Variants in FNDC3B observed in about 807,000 individuals in gnomAD.
FNDC3B encodes the protein fibronectin type III domain containing 3B, also known as fibronectin type III domain-containing protein 3B.
Under a neutral mutation model 151.5 loss-of-function variants are expected in FNDC3B, and 12 were observed. The observed-to-expected ratio is 0.08, with a 90% CI of 0.05 to 0.13. The LOEUF (loss-of-function observed/expected upper bound fraction) is 0.13. FNDC3B is among the 10% of genes least tolerant of loss of function. The pLI is 1.00. For synonymous variants in FNDC3B, 528 were observed against 549.0 expected (o/e 0.96, Z 0.54); for missense variants, 1,214 against 1,505.3 (o/e 0.81, Z 3.20).
At position 172,307,480 on chromosome 3, in the gene FNDC3B, T is replaced by G. The variant is rs1457179727; in HGVS notation, c.1179T>G (p.Ser393Arg). The G allele has an allele frequency of 6.2e-7, 1 of 1,613,998 alleles. No individual in the cohort carries two copies. Among genetic ancestry groups the G allele is most frequent in the East Asian group, 2.2e-5 (1 of 44,870 alleles). ...CTAAGCTGGCACATAGGAGCAAAAG[T>G]TCACTAACCCTGCAGTGGAAGGTGG... Reference protein sequence around the residue: ...FPPKLAHRSKSSLTLQWKAPI... With the variant: ...FPPKLAHRSKRSLTLQWKAPI... Residue 393 changes from serine (S) to arginine (R), a missense_variant, in exon 10 of 26, where the codon AGT (serine) becomes AGG (arginine). Ser to Arg is a moderately radical substitution (Grantham distance 110). Transcript: ENST00000415807.
intron 2 of FNDC3B, among the ~76,000 whole-genome samples, chr3:172,130,301 T>C (rs1721006755): frequency 6.6e-6 from 1 of 152,222 alleles, no homozygotes; most frequent in Admixed American, 6.5e-5. Context: ...TAATGACTTC[T>C]GCTCTACTGA....
chr3:172,381,089 A>G lies in FNDC3B; in HGVS notation c.3299A>G (p.Lys1100Arg). The change falls in exon 25 of 26, where the codon AAA (lysine) becomes AGA (arginine). Residue 1100 changes from lysine to arginine, a missense_variant. Physicochemically the swap from Lys to Arg is conservative, Grantham distance 26 (BLOSUM62 2). Transcript: ENST00000415807. Reference sequence around the variant, plus strand: ...TTGGTTGGAAGAGAATCTGAGTACAAACAGGTAAGAACCAGTGTGCATGGC... The same window carrying G: ...TTGGTTGGAAGAGAATCTGAGTACAGACAGGTAAGAACCAGTGTGCATGGC... ...QVLVGRESEY[K>R]QVYKGEEATF... is the part of the protein sequence containing the mutation. The G allele has an allele frequency of 6.2e-7, 1 of 1,613,308 alleles. No individual in the cohort carries two copies. The highest frequency in any genetic ancestry group is 8.5e-7 in the Non-Finnish European group (1 of 1,179,422).
chr3:172,256,584 G>A (rs905717527), intron 6 of FNDC3B, among the ~76,000 whole-genome samples: 4 of 152,150 alleles, frequency 2.6e-5, no homozygotes, highest in Admixed American at 2.6e-4. Context: ...TGAGTGAGAA[G>A]GAAGCTTCAT....
intron 7 of FNDC3B, among the ~76,000 whole-genome samples, chr3:172,293,947 C>T (rs1730464829): frequency 1.3e-5 from 2 of 152,222 alleles, no homozygotes; most frequent in Admixed American, 1.3e-4. Flanking sequence ...TCTCCATCTA[C>T]AGCCTAATAA....
intron 7 of FNDC3B, among the ~76,000 whole-genome samples, chr3:172,292,137 G>A (rs747202766): frequency 1.5e-4 from 23 of 152,148 alleles, no homozygotes; most frequent in Admixed American, 3.9e-4. Flanking sequence ...CTAAACAAGG[G>A]AAACCTCGGG....
At chr3:172,111,425 A>T (rs1284185082) in intron 1 of FNDC3B, among the ~76,000 whole-genome samples, 1 of 152,222 alleles carries the variant, frequency 6.6e-6, no homozygotes, top group African/African-American at 2.4e-5. Flanking sequence ...TTAACACCGA[A>T]TTATAAGACC....
At chr3:172,302,390 C>CTTT (rs1250120969) in intron 9 of FNDC3B, 1 of 152,216 alleles carries the variant, frequency 6.6e-6, no homozygotes, top group East Asian at 1.9e-4. Flanking sequence ...TAGTGGCATC[C>CTTT]TTTAGACAGT....
intron 1 of FNDC3B, among the ~76,000 whole-genome samples, chr3:172,045,766 G>GTC (rs67916203): frequency 9.5e-5 from 14 of 147,156 alleles, no homozygotes; most frequent in South Asian, 2.2e-4. Flanking sequence ...TTTACTGAGT[G>GTC]TCTCTCTCTC....
At chr3:172,226,233 A>G (rs1333776582) in intron 3 of FNDC3B, among the ~76,000 whole-genome samples, 3 of 148,712 alleles carry the variant, frequency 2.0e-5, no homozygotes, top group Non-Finnish European at 4.4e-5. Context: ...TGAACCTGGG[A>G]GGCAGAGGTT....
chr3:172,246,519 G>A (rs1050590795), intron 4 of FNDC3B, among the ~76,000 whole-genome samples: 2 of 152,244 alleles, frequency 1.3e-5, no homozygotes, highest in Admixed American at 6.5e-5. Flanking sequence ...GGAGCTGGTA[G>A]TGTGACGCTG....
At chr3:172,126,894 T>C (rs1241068850) in intron 2 of FNDC3B, 3 of 363,846 alleles carry the variant, frequency 8.2e-6, no homozygotes, top group African/African-American at 2.1e-5. Context: ...ATTTTGTAGA[T>C]GTAAAGGGCT....
At chr3:172,316,118 C>T (rs1731777937) in intron 11 of FNDC3B, among the ~76,000 whole-genome samples, 1 of 151,266 alleles carries the variant, frequency 6.6e-6, no homozygotes, top group Non-Finnish European at 1.5e-5. Context: ...AGCGATTCCC[C>T]TGCCTCGGCC....
intron 1 of FNDC3B, among the ~76,000 whole-genome samples, chr3:172,095,876 C>T (rs892475683): frequency 2.0e-5 from 3 of 151,914 alleles, no homozygotes; most frequent in African/African-American, 4.8e-5. Flanking sequence ...CCTGTTATTT[C>T]CCCCTACAAA....
At position 172,332,915 on chromosome 3, in the gene FNDC3B, A is replaced by G. The variant is rs371745370; in HGVS notation, c.1555-174A>G. On this transcript the variant is annotated intron_variant, in intron 13 of 25. Coordinates refer to ENST00000415807, the MANE Select transcript of FNDC3B (RefSeq NM_022763.4). ...GGAGATAAATTTTTATTTAAAGCTC[A>G]AGTGCTATCCACAATACTCTGGGCT... is the stretch of plus-strand genomic sequence containing the variant. Among the ~76,000 whole-genome samples the G allele has an allele frequency of 3.4e-3, 524 of 152,360 alleles. 4 individuals carry two copies. Among genetic ancestry groups the G allele is most frequent in the African/African-American group, 0.012 (494 of 41,582 alleles).
chr3:172,244,617 C>CTTTT (rs11294678), intron 4 of FNDC3B, among the ~76,000 whole-genome samples: 5,608 of 73,120 alleles, frequency 0.077, 486 homozygotes, highest in South Asian at 0.11. Context: ...AATATTTCAC[C>CTTTT]TTTTTTTTTT....
Position 172,150,913 on chromosome 3 carries a change from G to C in FNDC3B, c.187+17367G>C, listed in dbSNP as rs142047563. 7.6e-3 allele frequency among the ~76,000 whole-genome samples: 1,157 copies of C among 151,504 alleles called. 6 individuals carry two copies. The highest frequency in any genetic ancestry group is 0.027 in the Middle Eastern group (8 of 292). On this transcript the variant is annotated intron_variant, in intron 3 of 25. Transcript: ENST00000415807. ...CACTACTCTTTATTTTTCTCATCTA[G>C]GTATTTTTTAAAAAATAACAAATCT...
intron 10 of FNDC3B, among the ~76,000 whole-genome samples, chr3:172,309,381 C>T (rs546789742): frequency 1.3e-5 from 2 of 152,112 alleles, no homozygotes; most frequent in Non-Finnish European, 2.9e-5. Flanking sequence ...TACCCACCCT[C>T]AAGGAATTAA....
chr3:172,208,972 T>G (rs1395612454), intron 3 of FNDC3B, among the ~76,000 whole-genome samples: 4 of 152,022 alleles, frequency 2.6e-5, no homozygotes, highest in Non-Finnish European at 5.9e-5. Context: ...GGGAACACAG[T>G]GGCGCCTGAA....
Position 172,333,055 on chromosome 3 carries a change from A to G in FNDC3B, c.1555-34A>G, listed in dbSNP as rs377210374. ...AGGTATTTAATGCCCAGAATTTTTT[A>G]TACTGATGTTTCTTCCTGGCTTTGC... is the stretch of plus-strand genomic sequence containing the variant. On this transcript the variant is annotated intron_variant, in intron 13 of 25. Coordinates refer to ENST00000415807, the MANE Select transcript of FNDC3B (RefSeq NM_022763.4). The G allele has an allele frequency of 8.6e-6, 12 of 1,390,062 alleles. No individual in the cohort carries two copies. The African/African-American group carries it at 1.4e-4, about 16-fold the overall frequency. 86.1% of individuals were successfully genotyped at this position (1,390,062 alleles called of 1,614,324 possible).
Sources: gnomAD v4.1 joint callset for allele counts (sites outside exome capture counted in the v4.1 genomes callset) on GRCh38, gnomAD v4.1.1 for gene constraint, MANE v1.5 for transcripts, NCBI Gene and HGNC (gene_info 2026-07-23, HGNC 2026-07-21) for gene names.